The following ZNF451 variants were observed in gnomAD, a reference collection of about 807,000 sequenced individuals.
The protein encoded by ZNF451 is zinc finger protein 451.
A neutral mutation model predicts 107.1 loss-of-function variants in ZNF451; 80 were observed. The observed-to-expected ratio is 0.75, with a 90% CI of 0.62 to 0.90. The LOEUF (loss-of-function observed/expected upper bound fraction) is 0.90, where lower values mean the gene tolerates loss of function less well. Ranked by LOEUF, ZNF451 falls within the 40% of genes least tolerant of loss-of-function variation. The probability of loss-of-function intolerance (pLI) is 0.00; values close to 1 mark genes in which losing one functional copy is unlikely to be tolerated. For synonymous variants in ZNF451, 362 were observed against 406.5 expected (o/e 0.89, Z 1.32); for missense variants, 1,107 against 1,236.2 (o/e 0.90, Z 1.57).
At chr6:57,098,976 C>T in intron 2 of ZNF451, 85 bp from the exon 3 acceptor site, 2 of 1,064,270 alleles carry the variant, frequency 1.9e-6, no homozygotes, top group Non-Finnish European at 2.9e-6. Context: ...TTGCCAGTCC[C>T]AACCAAAAAA....
intron 9 of ZNF451, 51 bp downstream of exon 9, chr6:57,142,146 G>C: frequency 6.6e-7 from 1 of 1,505,874 alleles, no homozygotes; most frequent in Non-Finnish European, 9.0e-7. Context: ...GTTTGCCAGT[G>C]AGAAGATTCA....
At chr6:57,106,165 C>T in intron 3 of ZNF451, 1 of 985,290 alleles carries the variant, frequency 1.0e-6, no homozygotes, top group Non-Finnish European at 1.2e-6. Flanking sequence ...ATCCCTTTGT[C>T]TGGTAAAATT....
intron 3 of ZNF451, among the ~76,000 whole-genome samples, chr6:57,122,410 C>T (rs1337385354): frequency 4.6e-5 from 7 of 152,082 alleles, no homozygotes; most frequent in Non-Finnish European, 7.4e-5. Flanking sequence ...TTCTGCACAG[C>T]AAAATAAACT....
chr6:57,109,997 A>G (rs1830039069), intron 3 of ZNF451, among the ~76,000 whole-genome samples: 1 of 152,230 alleles, frequency 6.6e-6, no homozygotes, highest in South Asian at 2.1e-4. Context: ...ATAAGAGCAG[A>G]TGTCCTTTTT....
intron 5 of ZNF451, among the ~76,000 whole-genome samples, chr6:57,131,316 G>T (rs943728642): frequency 1.3e-5 from 2 of 152,070 alleles, no homozygotes; most frequent in Non-Finnish European, 2.9e-5. Context: ...GACAAAAGCT[G>T]TTTAAATCTC....
rs16888344 is a variant in ZNF451 at position 57,148,746 on chromosome 6, A to G, written c.2608+53A>G. On this transcript the variant is annotated intron_variant, in intron 10 of 14. Transcript: ENST00000370706. Reference sequence around the variant, plus strand: ...TCATATACTGATATTGAAACTTACAATGTACCCACCTCGATTCAATTTTGA... The same window carrying G: ...TCATATACTGATATTGAAACTTACAGTGTACCCACCTCGATTCAATTTTGA... 4.2e-3 allele frequency: 6,250 copies of G among 1,486,424 alleles called. 217 individuals carry two copies. The African/African-American group carries it at 0.074, about 17-fold the overall frequency. 92.1% of individuals were successfully genotyped at this position (1,486,424 alleles called of 1,614,324 possible).
intron 9 of ZNF451, among the ~76,000 whole-genome samples, chr6:57,145,118 A>G (rs1831997863): frequency 6.6e-6 from 1 of 152,176 alleles, no homozygotes; most frequent in Non-Finnish European, 1.5e-5. Flanking sequence ...AAATGGTAGC[A>G]GGTCTGTTCT....
At chr6:57,112,543 C>T (rs1015615885) in intron 3 of ZNF451, among the ~76,000 whole-genome samples, 1 of 151,992 alleles carries the variant, frequency 6.6e-6, no homozygotes, top group African/African-American at 2.4e-5. Context: ...TGTGTATATC[C>T]CCTCACCTTA....
At chr6:57,131,781 T>A (rs1013985452) in intron 5 of ZNF451, among the ~76,000 whole-genome samples, 1 of 152,212 alleles carries the variant, frequency 6.6e-6, no homozygotes, top group African/African-American at 2.4e-5. Context: ...AGCTTTTTGT[T>A]GTATGAAATA....
At chr6:57,121,118 C>T (rs1675720861) in intron 3 of ZNF451, among the ~76,000 whole-genome samples, 1 of 152,076 alleles carries the variant, frequency 6.6e-6, no homozygotes, top group African/African-American at 2.4e-5. Flanking sequence ...TCTACTTGTT[C>T]AAACACCATT....
intron 2 of ZNF451, among the ~76,000 whole-genome samples, chr6:57,098,658 T>C (rs1385922709): frequency 6.6e-6 from 1 of 152,256 alleles, no homozygotes; most frequent in East Asian, 1.9e-4. Flanking sequence ...TGCTTGACTC[T>C]GCAGTGGTGG....
chr6:57,140,004 C>G (rs2127973117), intron 7 of ZNF451, among the ~76,000 whole-genome samples: 1 of 152,096 alleles, frequency 6.6e-6, no homozygotes, highest in South Asian at 2.1e-4. Context: ...GCCTGGGTGA[C>G]AGAGTGAGCT....
At position 57,161,129 on chromosome 6, in the gene ZNF451, GAGA is replaced by G. The variant is rs1562630791; in HGVS notation, c.3121_3123del (p.Glu1041del). The G allele has an allele frequency of 6.5e-7, 1 of 1,545,092 alleles. No individual in the cohort carries two copies. Among genetic ancestry groups the G allele is most frequent in the African/African-American group, 1.4e-5 (1 of 71,594 alleles). ...ATGGGTGCCAAAAATACTTCAATAG[GAGA>G]AGAATTTATATCCACAGAAGGTAAC... is the stretch of plus-strand genomic sequence containing the variant. On this transcript the variant is annotated inframe_deletion, in exon 14 of 15. Coordinates refer to ENST00000370706, the MANE Select transcript of ZNF451 (RefSeq NM_001031623.3).
intron 14 of ZNF451, among the ~76,000 whole-genome samples, chr6:57,162,262 G>T (rs560238353): frequency 1.3e-5 from 2 of 152,252 alleles, no homozygotes; most frequent in African/African-American, 4.8e-5. Flanking sequence ...GGCCCAACTG[G>T]TATGTTTTCT....
At chr6:57,100,520 A>G (rs1593080256) in intron 3 of ZNF451, 6 of 1,392,196 alleles carry the variant, frequency 4.3e-6, no homozygotes, top group Admixed American at 3.1e-5. Context: ...CTTACTGGAC[A>G]TGAATCTCTG....
intron 3 of ZNF451, chr6:57,102,680 G>A (rs1438777088): frequency 1.0e-6 from 1 of 985,308 alleles, no homozygotes; most frequent in Non-Finnish European, 1.2e-6. Flanking sequence ...CAGCCATGAA[G>A]CTTTGTGTCA....
chr6:57,096,524 C>T (rs1829323199), intron 2 of ZNF451, among the ~76,000 whole-genome samples: 1 of 146,582 alleles, frequency 6.8e-6, no homozygotes, highest in African/African-American at 2.5e-5. Context: ...TTACTTTTTA[C>T]CTTGCATCCT....
At chr6:57,127,436 G>C (rs1335814447) in intron 4 of ZNF451, among the ~76,000 whole-genome samples, 1 of 152,136 alleles carries the variant, frequency 6.6e-6, no homozygotes, top group Non-Finnish European at 1.5e-5. Flanking sequence ...ATTTTCTTCA[G>C]ATTAAAATCT....
intron 5 of ZNF451, among the ~76,000 whole-genome samples, chr6:57,132,445 C>G (rs557096556): frequency 6.4e-4 from 98 of 152,272 alleles, no homozygotes; most frequent in African/African-American, 2.1e-3. Context: ...TCTGGCTGGG[C>G]ACAGTGTCTC....
Sources: gnomAD v4.1 joint callset for allele counts (sites outside exome capture counted in the v4.1 genomes callset) on GRCh38, gnomAD v4.1.1 for gene constraint, MANE v1.5 for transcripts, NCBI Gene and HGNC (gene_info 2026-07-23, HGNC 2026-07-21) for gene names.